MACROD2: variants seen among roughly 807,000 people sequenced by gnomAD.
MACROD2 encodes the protein mono-ADP ribosylhydrolase 2.
Under a neutral mutation model 70.4 loss-of-function variants are expected in MACROD2, and 36 were observed. The ratio of observed to expected loss-of-function variants is 0.51; its 90% CI spans 0.39 to 0.68. The LOEUF is 0.68. MACROD2 is among the 30% of genes least tolerant of loss of function. The pLI, the probability that MACROD2 is intolerant of heterozygous loss-of-function variation, is 0.00. For synonymous variants in MACROD2, 172 were observed against 178.8 expected (o/e 0.96, Z 0.30); for missense variants, 496 against 538.4 (o/e 0.92, Z 0.78).
intron 4 of MACROD2, among the ~76,000 whole-genome samples, chr20:14,679,352 G>A (rs918133769): frequency 6.6e-6 from 1 of 152,178 alleles, no homozygotes; most frequent in Non-Finnish European, 1.5e-5. Flanking sequence ...ACCGTGCAAA[G>A]GACGTCATGG....
At chr20:15,245,767 A>G (rs933096884) in intron 6 of MACROD2, among the ~76,000 whole-genome samples, 1 of 152,166 alleles carries the variant, frequency 6.6e-6, no homozygotes. Flanking sequence ...CACATTTAAG[A>G]TAGAGTAGGC....
intron 2 of MACROD2, among the ~76,000 whole-genome samples, chr20:14,015,090 C>T (rs564933999): frequency 1.3e-5 from 2 of 152,014 alleles, no homozygotes; most frequent in African/African-American, 4.8e-5. Flanking sequence ...GCCACTGTGC[C>T]CAGCCCCTTT....
intron 3 of MACROD2, among the ~76,000 whole-genome samples, chr20:14,179,985 C>T (rs1308518140): frequency 6.6e-6 from 1 of 152,108 alleles, no homozygotes; most frequent in East Asian, 1.9e-4. Context: ...GAAATTAACT[C>T]CATTTACATT....
At chr20:15,601,020 C>T (rs2048812440) in intron 8 of MACROD2, among the ~76,000 whole-genome samples, 2 of 152,164 alleles carry the variant, frequency 1.3e-5, no homozygotes, top group Non-Finnish European at 2.9e-5. Flanking sequence ...CAGGCAACCC[C>T]TCATTAATAA....
intron 3 of MACROD2, among the ~76,000 whole-genome samples, chr20:14,200,980 G>T (rs2081474916): frequency 2.3e-5 from 3 of 133,210 alleles, no homozygotes; most frequent in South Asian, 2.4e-4. Flanking sequence ...GTCTTTTTTT[G>T]GACTATTCCT....
intron 3 of MACROD2, among the ~76,000 whole-genome samples, chr20:14,232,826 A>G (rs964094747): frequency 6.6e-6 from 1 of 152,242 alleles, no homozygotes; most frequent in African/African-American, 2.4e-5. Context: ...AATTCAGCCA[A>G]CTGTTTGGCA....
chr20:15,881,440 C>T (rs1201796136), intron 9 of MACROD2, among the ~76,000 whole-genome samples: 3 of 152,038 alleles, frequency 2.0e-5, no homozygotes, highest in Admixed American at 6.6e-5. Flanking sequence ...CTAAGTCAGC[C>T]TCTGGATACG....
At chr20:14,394,828 T>G (rs2083564812) in intron 3 of MACROD2, among the ~76,000 whole-genome samples, 1 of 152,236 alleles carries the variant, frequency 6.6e-6, no homozygotes, top group African/African-American at 2.4e-5. Context: ...TGTCAAATGC[T>G]TTTATGCATC....
At chr20:15,903,024 G>T (rs1304768818) in intron 10 of MACROD2, among the ~76,000 whole-genome samples, 2 of 152,134 alleles carry the variant, frequency 1.3e-5, no homozygotes, top group African/African-American at 4.8e-5. Flanking sequence ...GAAGAAACCT[G>T]AAAAGCATAA....
intron 2 of MACROD2, among the ~76,000 whole-genome samples, chr20:14,045,661 A>G (rs1476294703): frequency 6.6e-6 from 1 of 152,212 alleles, no homozygotes; most frequent in Non-Finnish European, 1.5e-5. Flanking sequence ...AGCAACAGTG[A>G]GCAGGAAAGA....
intron 3 of MACROD2, among the ~76,000 whole-genome samples, chr20:14,484,084 AT>A (rs2084692983): frequency 6.6e-6 from 1 of 152,062 alleles, no homozygotes; most frequent in African/African-American, 2.4e-5. Context: ...ATACCAAAAC[AT>A]TTGATTCAGA....
chr20:14,358,990 C>T (rs1226089923), intron 3 of MACROD2, among the ~76,000 whole-genome samples: 1 of 151,948 alleles, frequency 6.6e-6, no homozygotes. Context: ...AGTTCAAGAC[C>T]AGCTTGGGCA....
At chr20:14,696,184 A>T (rs1665058054) in intron 5 of MACROD2, among the ~76,000 whole-genome samples, 1 of 152,052 alleles carries the variant, frequency 6.6e-6, no homozygotes, top group African/African-American at 2.4e-5. Context: ...AGATAGATAG[A>T]TCGATAGATA....
intron 5 of MACROD2, among the ~76,000 whole-genome samples, chr20:15,092,460 TTTATAA>T (rs1428289822): frequency 1.3e-5 from 2 of 149,284 alleles, no homozygotes; most frequent in Non-Finnish European, 3.0e-5. Flanking sequence ...TTTAAAATAA[TTTATAA>T]TTATAACAAA....
At chr20:14,775,386 C>T (rs946278922) in intron 5 of MACROD2, among the ~76,000 whole-genome samples, 1 of 152,028 alleles carries the variant, frequency 6.6e-6, no homozygotes, top group African/African-American at 2.4e-5. Flanking sequence ...GCATCTGTTT[C>T]TGGTGAGGGC....
At chr20:15,906,716 G>A (rs975612442) in intron 10 of MACROD2, among the ~76,000 whole-genome samples, 1 of 152,084 alleles carries the variant, frequency 6.6e-6, no homozygotes, top group African/African-American at 2.4e-5. Flanking sequence ...TGACACTTTT[G>A]AAGATTGCAG....
At chr20:14,293,913 C>T (rs2082406517) in intron 3 of MACROD2, among the ~76,000 whole-genome samples, 1 of 151,802 alleles carries the variant, frequency 6.6e-6, no homozygotes, top group African/African-American at 2.4e-5. Flanking sequence ...TTTAACATTA[C>T]ACCTTTTCCA....
chr20:14,366,610 C>T (rs1393836450), intron 3 of MACROD2, among the ~76,000 whole-genome samples: 3 of 151,778 alleles, frequency 2.0e-5, no homozygotes, highest in Non-Finnish European at 4.4e-5. Flanking sequence ...CATGATATGT[C>T]CTCCTTGGCC....
intron 4 of MACROD2, among the ~76,000 whole-genome samples, chr20:14,641,763 C>A (rs1440300993): frequency 6.6e-6 from 1 of 152,180 alleles, no homozygotes; most frequent in African/African-American, 2.4e-5. Context: ...ATTCATTAAA[C>A]CATGCTGTAA....
Sources: allele counts gnomAD v4.1 joint callset (sites outside exome capture counted in the v4.1 genomes callset), GRCh38; gene constraint gnomAD v4.1.1; transcripts MANE v1.5; gene names NCBI Gene and HGNC (gene_info 2026-07-23, HGNC 2026-07-21).